Variants in PRUNE1 observed in about 807,000 individuals in gnomAD.
The protein encoded by PRUNE1 is prune exopolyphosphatase 1.
Under a neutral mutation model 42.5 loss-of-function variants are expected in PRUNE1, and 25 were observed. That is an observed-to-expected ratio of 0.59 (90% CI 0.43 to 0.82). The LOEUF is 0.82. Ranked by LOEUF, PRUNE1 falls within the 40% of genes least tolerant of loss-of-function variation. The pLI, the probability that PRUNE1 is intolerant of heterozygous loss-of-function variation, is 0.00. For synonymous variants in PRUNE1, 203 were observed against 217.1 expected, an observed-to-expected ratio of 0.93 and a Z score of 0.57; for missense variants, 443 against 539.3, an observed-to-expected ratio of 0.82 and a Z score of 1.77.
At position 151,020,054 on chromosome 1, in the gene PRUNE1, A is replaced by G. The variant is rs1307162897; in HGVS notation, c.335+1385A>G. 3.7e-4 allele frequency among the ~76,000 whole-genome samples: 54 copies of G among 146,484 alleles called. 1 individual carries two copies. The highest frequency in any genetic ancestry group is 1.3e-3 in the African/African-American group (50 of 39,878). On this transcript the variant is annotated intron_variant, in intron 3 of 7. Transcript: ENST00000271620. The stretch of plus-strand genomic sequence containing the variant: ...TGCGCTGTTGGCCAGGCTGGCCTGG[A>G]ACTCCTGACCTCAGATGATCTGCCC...
intron 3 of PRUNE1, among the ~76,000 whole-genome samples, chr1:151,020,267 A>G (rs891829141): frequency 2.0e-5 from 3 of 151,038 alleles, no homozygotes; most frequent in Non-Finnish European, 3.0e-5. Context: ...ATCTATAAAC[A>G]TAGTGTGACC....
intron 6 of PRUNE1, among the ~76,000 whole-genome samples, chr1:151,027,779 T>TGCGC (rs1320940349): frequency 7.5e-5 from 11 of 147,636 alleles, no homozygotes; most frequent in African/African-American, 2.8e-4. Flanking sequence ...TGTGTGTGTG[T>TGCGC]GTGCGCGCGC....
Position 151,012,698 on chromosome 1 carries a change from G to A in PRUNE1, c.39+4027G>A, listed in dbSNP as rs141233392. ...AGATCACATCTTTACTATTTACAGC[G>A]TAGGCACTTATGGTACTATCTCATT... On this transcript the variant is annotated intron_variant, in intron 1 of 7. Coordinates refer to ENST00000271620, the MANE Select transcript of PRUNE1 (RefSeq NM_021222.3). 1.1e-4 allele frequency among the ~76,000 whole-genome samples: 17 copies of A among 152,230 alleles called. No individual in the cohort carries two copies. The East Asian group carries it at 2.3e-3, about 21-fold the overall frequency.
In PRUNE1 at chr1:151,027,282, A is replaced by T. The variant is rs754865246; in HGVS notation, c.729A>T (p.Arg243Ser). 1.2e-6 allele frequency: 2 copies of T among 1,611,880 alleles called. No individual in the cohort carries two copies. Among genetic ancestry groups the T allele is most frequent in the African/African-American group, 2.7e-5 (2 of 74,878 alleles). Residue 243 changes from arginine to serine, a missense_variant, in exon 6 of 8, where the codon AGA (arginine) becomes AGT (serine). By Grantham distance (110) the Arg-to-Ser change is moderately radical. Coordinates refer to ENST00000271620, the MANE Select transcript of PRUNE1 (RefSeq NM_021222.3). ...MLRKDQKTIY[R>S]QGVKVAISAI... ...GAAAAGACCAGAAGACTATCTATAG[A>T]CAAGGCGTCAAGGTGGCCATTAGTG...
chr1:151,030,706 G>A (rs1330613844), intron 7 of PRUNE1, among the ~76,000 whole-genome samples: 4 of 152,088 alleles, frequency 2.6e-5, no homozygotes, highest in Non-Finnish European at 5.9e-5. Flanking sequence ...GGCAGGTCTC[G>A]AACTCCTGAC....
intron 3 of PRUNE1, among the ~76,000 whole-genome samples, chr1:151,020,326 C>G (rs587717707): frequency 6.6e-6 from 1 of 151,956 alleles, no homozygotes; most frequent in East Asian, 1.9e-4. Context: ...TAGTGCATGC[C>G]TGTAGTCCCA....
intron 7 of PRUNE1, among the ~76,000 whole-genome samples, chr1:151,031,152 G>A (rs1260973240): frequency 1.3e-5 from 2 of 150,158 alleles, no homozygotes; most frequent in Admixed American, 6.6e-5. Flanking sequence ...GGAAACAGGA[G>A]TCCTTCTCTC....
intron 3 of PRUNE1, among the ~76,000 whole-genome samples, chr1:151,019,477 G>T (rs1674289137): frequency 6.8e-6 from 1 of 148,052 alleles, no homozygotes; most frequent in Non-Finnish European, 1.5e-5. Flanking sequence ...GATCACTTGA[G>T]CCCAGGAGGT....
intron 6 of PRUNE1, among the ~76,000 whole-genome samples, chr1:151,028,406 AT>A (rs2102936284): frequency 6.6e-6 from 1 of 151,344 alleles, no homozygotes; most frequent in African/African-American, 2.4e-5. Context: ...TGCCCAGCTA[AT>A]TTTTTGTTTT....
intron 3 of PRUNE1, among the ~76,000 whole-genome samples, chr1:151,019,543 G>A (rs77209899): frequency 0.09 from 12,692 of 141,806 alleles, 697 homozygotes; most frequent in African/African-American, 0.15. Context: ...GGAGACAGAG[G>A]GAGACCCTGT....
chr1:151,028,940 C>G lies in PRUNE1; in HGVS notation c.929C>G (p.Thr310Arg), dbSNP rs1185497469. 1.2e-6 allele frequency: 2 copies of G among 1,612,074 alleles called. No individual in the cohort carries two copies. The highest frequency in any genetic ancestry group is 3.3e-5 in the Admixed American group (2 of 59,988). Residue 310 changes from threonine (T) to arginine (R), a missense_variant, in exon 7 of 8, where the codon ACA (threonine) becomes AGA (arginine). Physicochemically the swap from Thr to Arg is moderately conservative, Grantham distance 71. Coordinates refer to ENST00000271620, the MANE Select transcript of PRUNE1 (RefSeq NM_021222.3). ...TTCTGTCCCCATGTGGCACTCCAAA[C>G]AACGGTGAGTCTGTGTCCCTTCTCC... is the stretch of plus-strand genomic sequence containing the variant. ...AIFCPHVALQ[T>R]TICEVLERSH...
In PRUNE1 at chr1:151,032,795, T is replaced by C. The variant is rs140399386; in HGVS notation, c.934-1011T>C. ...CCGAACTCTGGACAACTTACTTTTTTTCTTGTCTTGCTTTATTGCCCAGGC... is the reference window on the plus strand; with the variant it reads ...CCGAACTCTGGACAACTTACTTTTTCTCTTGTCTTGCTTTATTGCCCAGGC... On this transcript the variant is annotated intron_variant, in intron 7 of 7. Coordinates refer to ENST00000271620, the MANE Select transcript of PRUNE1 (RefSeq NM_021222.3). Among the ~76,000 whole-genome samples, 1,008 of 152,242 alleles carry C rather than the reference T, an allele frequency of 6.6e-3. 16 individuals carry two copies. Among genetic ancestry groups the C allele is most frequent in the African/African-American group, 0.023 (962 of 41,532 alleles).
At chr1:151,025,231 G>A (rs1039764567) in intron 4 of PRUNE1, among the ~76,000 whole-genome samples, 1 of 151,894 alleles carries the variant, frequency 6.6e-6, no homozygotes, top group Admixed American at 6.6e-5. Flanking sequence ...GATGGGATTT[G>A]GCCTACTGAA....
intron 5 of PRUNE1, among the ~76,000 whole-genome samples, chr1:151,026,522 A>T (rs1674848211): frequency 6.6e-6 from 1 of 152,120 alleles, no homozygotes; most frequent in South Asian, 2.1e-4. Flanking sequence ...CATATATATA[A>T]AATATGCTGA....
At chr1:151,026,984 T>C (rs1457818272) in intron 5 of PRUNE1, among the ~76,000 whole-genome samples, 1 of 151,600 alleles carries the variant, frequency 6.6e-6, no homozygotes, top group African/African-American at 2.4e-5. Flanking sequence ...CAGAGTTTCA[T>C]CATGTTGACC....
intron 7 of PRUNE1, among the ~76,000 whole-genome samples, chr1:151,030,530 G>A (rs767876958): frequency 3.3e-5 from 5 of 151,916 alleles, no homozygotes; most frequent in African/African-American, 9.7e-5. Context: ...TCACTCTGTC[G>A]CCCAGGCTTG....
At chr1:151,020,907 G>A (rs901488477) in intron 3 of PRUNE1, among the ~76,000 whole-genome samples, 10 of 151,788 alleles carry the variant, frequency 6.6e-5, no homozygotes, top group Admixed American at 1.3e-4. Flanking sequence ...GCATGAACCC[G>A]GGAGGCGGAG....
chr1:151,028,525 G>A (rs978416406), intron 6 of PRUNE1, among the ~76,000 whole-genome samples: 3 of 152,140 alleles, frequency 2.0e-5, no homozygotes, highest in Admixed American at 6.6e-5. Flanking sequence ...CCTGGTTCAA[G>A]CGATTCTCCT....
At chr1:151,029,101 C>G in intron 7 of PRUNE1, 157 bp downstream of exon 7, 3 of 645,678 alleles carry the variant, frequency 4.6e-6, no homozygotes. Flanking sequence ...GTTTCCTCCC[C>G]TTTCTGCTTT....
Sources: allele counts gnomAD v4.1 joint callset (sites outside exome capture counted in the v4.1 genomes callset), GRCh38; gene constraint gnomAD v4.1.1; transcripts MANE v1.5; gene names NCBI Gene and HGNC (gene_info 2026-07-23, HGNC 2026-07-21).